ADAM2: variants seen among roughly 807,000 people sequenced by gnomAD.
ADAM2 encodes disintegrin and metalloproteinase domain-containing protein 2.
ADAM2 carries 101 observed loss-of-function variants against 99.3 expected under a neutral mutation model. That is an observed-to-expected ratio of 1.02 (90% CI 0.87 to 1.20). The LOEUF (loss-of-function observed/expected upper bound fraction) is 1.20. Ranked by LOEUF, ADAM2 falls within the 50% of genes most tolerant of loss-of-function variation. The pLI, the probability that ADAM2 is intolerant of heterozygous loss-of-function variation, is 0.00. For missense variants in ADAM2, 948 were observed against 878.7 expected (o/e 1.08, Z -1.00); for synonymous variants, 323 against 287.6 (o/e 1.12, Z -1.25).
chr8:39,834,784 G>A (rs1450905643), intron 2 of ADAM2, among the ~76,000 whole-genome samples: 1 of 136,964 alleles, frequency 7.3e-6, no homozygotes, highest in African/African-American at 2.7e-5. Context: ...CACTAATTAT[G>A]ATGTTAACTA....
Position 39,821,088 on chromosome 8 carries a change from C to T in ADAM2, c.427G>A (p.Val143Ile). 1 of 1,609,168 alleles carries T rather than the reference C, an allele frequency of 6.2e-7. No homozygotes were observed. Among genetic ancestry groups the T allele is most frequent in the South Asian group, 1.1e-5 (1 of 90,870 alleles). ...GAAACATCTGCTTTCTTATGTTTTA[C>T]TTGGTAAATTACATGTTCAAAGCCA... Reference protein sequence around the residue: ...SVGFEHVIYQVKHKKADVSLY... With the variant: ...SVGFEHVIYQIKHKKADVSLY... Residue 143 changes from valine (V) to isoleucine (I), a missense_variant, in exon 6 of 21, where the codon GTA (valine) becomes ATA (isoleucine). Coordinates refer to ENST00000265708, the MANE Select transcript of ADAM2 (RefSeq NM_001464.5).
At chr8:39,775,243 C>CA (rs1050154067) in intron 11 of ADAM2, among the ~76,000 whole-genome samples, 34 of 152,162 alleles carry the variant, frequency 2.2e-4, no homozygotes, top group African/African-American at 8.2e-4. Flanking sequence ...TCATAGATGT[C>CA]AAAGACCTGG....
chr8:39,747,629 C>T (rs1413180770), intron 18 of ADAM2, among the ~76,000 whole-genome samples: 1 of 152,034 alleles, frequency 6.6e-6, no homozygotes, highest in Non-Finnish European at 1.5e-5. Flanking sequence ...TTGTTTCTTA[C>T]TTTAAGAAAC....
intron 16 of ADAM2, among the ~76,000 whole-genome samples, chr8:39,752,449 C>T (rs900798881): frequency 2.0e-5 from 3 of 152,288 alleles, no homozygotes; most frequent in East Asian, 1.9e-4. Flanking sequence ...GAGGCAGCAG[C>T]TAAATTCTCA....
chr8:39,753,563 C>G (rs1348045976), intron 16 of ADAM2, among the ~76,000 whole-genome samples: 1 of 152,104 alleles, frequency 6.6e-6, no homozygotes, highest in South Asian at 2.1e-4. Context: ...TTCATGGTAG[C>G]CCTTCCCATC....
At chr8:39,782,151 C>T (rs1271260799) in intron 10 of ADAM2, among the ~76,000 whole-genome samples, 1 of 152,100 alleles carries the variant, frequency 6.6e-6, no homozygotes, top group Non-Finnish European at 1.5e-5. Context: ...AATGGGCAAA[C>T]ATTTCTTGAA....
intron 6 of ADAM2, among the ~76,000 whole-genome samples, chr8:39,811,528 A>G (rs1158148740): frequency 1.3e-5 from 2 of 152,236 alleles, no homozygotes; most frequent in Non-Finnish European, 2.9e-5. Flanking sequence ...AAAATCCTCA[A>G]TAAAATACTG....
intron 3 of ADAM2, among the ~76,000 whole-genome samples, chr8:39,827,763 A>G (rs1805468278): frequency 6.6e-6 from 1 of 152,102 alleles, no homozygotes; most frequent in South Asian, 2.1e-4. Context: ...TAAAGAGAAG[A>G]AAGTTTCATT....
At chr8:39,811,875 G>A (rs1365994303) in intron 6 of ADAM2, among the ~76,000 whole-genome samples, 2 of 152,140 alleles carry the variant, frequency 1.3e-5, no homozygotes, top group African/African-American at 4.8e-5. Flanking sequence ...CACAAGACAG[G>A]GATGTCCTCT....
At chr8:39,819,433 T>G (rs1352593107) in intron 6 of ADAM2, among the ~76,000 whole-genome samples, 1 of 152,058 alleles carries the variant, frequency 6.6e-6, no homozygotes, top group African/African-American at 2.4e-5. Flanking sequence ...ATAAATGATG[T>G]GATATTGGTG....
At chr8:39,753,514 A>C (rs531880774) in intron 16 of ADAM2, among the ~76,000 whole-genome samples, 1 of 152,326 alleles carries the variant, frequency 6.6e-6, no homozygotes, top group Non-Finnish European at 1.5e-5. Flanking sequence ...TTAGTCATCA[A>C]GACAGTGGGG....
intron 7 of ADAM2, among the ~76,000 whole-genome samples, chr8:39,807,292 G>T (rs1804481088): frequency 1.3e-5 from 2 of 152,190 alleles, no homozygotes; most frequent in African/African-American, 2.4e-5. Flanking sequence ...AGCTGGAGGG[G>T]AATTTTGCCT....
chr8:39,757,208 G>A (rs1370744546), intron 15 of ADAM2, among the ~76,000 whole-genome samples: 1 of 151,618 alleles, frequency 6.6e-6, no homozygotes, highest in African/African-American at 2.4e-5. Context: ...CACTCAACAT[G>A]TAAAAAAACC....
At position 39,769,502 on chromosome 8, in the gene ADAM2, A is replaced by G; in HGVS notation, c.1102T>C (p.Ser368Pro). The change falls in exon 12 of 21, where the codon TCC becomes CCC. Residue 368 changes from serine (S) to proline (P), a missense_variant. Physicochemically the swap from Ser to Pro is moderately conservative, Grantham distance 74. Transcript: ENST00000265708. Reference sequence around the variant, plus strand: ...CGAGGCTGATTGTGAAGACACTGGGACTTCTGCTTTGAAATAAAATGTGCA... The same window carrying G: ...CGAGGCTGATTGTGAAGACACTGGGGCTTCTGCTTTGAAATAAAATGTGCA... ...DFAHFISKQK[S>P]QCLHNQPRLD... is the part of the protein sequence containing the mutation. The G allele has an allele frequency of 6.2e-7, 1 of 1,613,686 alleles. No homozygotes were observed. The highest frequency in any genetic ancestry group is 2.2e-5 in the East Asian group (1 of 44,866).
chr8:39,812,339 G>A (rs554818226), intron 6 of ADAM2, among the ~76,000 whole-genome samples: 4 of 152,298 alleles, frequency 2.6e-5, no homozygotes, highest in Admixed American at 6.5e-5. Flanking sequence ...TTGTGAAAAT[G>A]ACCATACTGC....
chr8:39,804,676 A>G (rs963971086), intron 7 of ADAM2, among the ~76,000 whole-genome samples: 4 of 152,204 alleles, frequency 2.6e-5, no homozygotes, highest in Admixed American at 6.5e-5. Context: ...TGACATTAAA[A>G]TTATAAAAAA....
At chr8:39,814,873 TAAC>T (rs1037590624) in intron 6 of ADAM2, among the ~76,000 whole-genome samples, 2 of 151,090 alleles carry the variant, frequency 1.3e-5, no homozygotes, top group African/African-American at 4.8e-5. Context: ...TATGTGATGA[TAAC>T]AAGCTCAAAC....
chr8:39,744,132 ATGCAAGTAACCTTAT>A (rs1261834439), intron 20 of ADAM2, 68 bp from the exon 21 acceptor site: 13 of 152,156 alleles, frequency 8.5e-5, no homozygotes, highest in Non-Finnish European at 1.8e-4. Context: ...AACAAATAGC[ATGCAAGTAACCTTAT>A]TGCAAAGTAG....
intron 1 of ADAM2, 44 bp downstream of exon 1, chr8:39,838,087 C>A: frequency 6.2e-7 from 1 of 1,603,164 alleles, no homozygotes; most frequent in Non-Finnish European, 8.5e-7. Flanking sequence ...GGGAGAGTAG[C>A]GCTGAGGGTC....
Sources: allele counts gnomAD v4.1 joint callset (sites outside exome capture counted in the v4.1 genomes callset), GRCh38; gene constraint gnomAD v4.1.1; transcripts MANE v1.5; gene names NCBI Gene and HGNC (gene_info 2026-07-23, HGNC 2026-07-21).